Variants in GM2A observed in about 807,000 individuals in gnomAD.
GM2A encodes the protein GM2 ganglioside activator.
A neutral mutation model predicts 12.9 loss-of-function variants in GM2A; 7 were observed. That is an observed-to-expected ratio of 0.54 (90% confidence interval 0.31 to 1.02). GM2A has a LOEUF of 1.02. GM2A is among the 50% of genes least tolerant of loss of function. GM2A has a pLI of 0.05. For synonymous variants in GM2A, 101 were observed against 96.0 expected (o/e 1.05, Z -0.30); for missense variants, 246 against 241.0 (o/e 1.02, Z -0.14).
Position 151,268,723 on chromosome 5 carries a change from T to TC in GM2A, c.*1274dup, listed in dbSNP as rs397716595. On this transcript the variant is annotated 3_prime_UTR_variant, in exon 4 of 4. Transcript: ENST00000357164. ...TGTTTACTCCTAGAGAAGCCAAAAA[T>TC]CCAGATTTGTATATGAAATCTTACC... 0.15 allele frequency: 83,663 copies of TC among 571,762 alleles called. 7,056 individuals carry two copies. Among genetic ancestry groups the TC allele is most frequent in the East Asian group, 0.39 (2,666 of 6,826 alleles). 35.4% of individuals were successfully genotyped at this position (571,762 alleles called of 1,614,324 possible).
At position 151,253,298 on chromosome 5, in the gene GM2A, G is replaced by A. The variant is rs111913684; in HGVS notation, c.81+1G>A. ...CCCTGCGCAAGCCCACCTGAAAAAG[G>A]TGAGTGCACCCTCTTTTAAGAGTCT... On this transcript the variant is annotated splice_donor_variant, in intron 1 of 3. Transcript: ENST00000357164. LOFTEE classifies it high-confidence loss of function. 1 of 1,609,112 alleles carries A rather than the reference G, an allele frequency of 6.2e-7. No homozygotes were observed. The highest frequency in any genetic ancestry group is 8.5e-7 in the Non-Finnish European group (1 of 1,175,710).
At chr5:151,264,948 C>T (rs575132538) in intron 2 of GM2A, among the ~76,000 whole-genome samples, 18 of 151,572 alleles carry the variant, frequency 1.2e-4, no homozygotes, top group Non-Finnish European at 8.8e-5. Flanking sequence ...CACCACTATA[C>T]TCCAGCCTAG....
At chr5:151,266,446 A>T (rs948426541) in intron 2 of GM2A, among the ~76,000 whole-genome samples, 1 of 146,582 alleles carries the variant, frequency 6.8e-6, no homozygotes, top group African/African-American at 2.5e-5. Flanking sequence ...GAGCCATGAT[A>T]CAAAAAAAAA....
Position 151,266,795 on chromosome 5 carries a change from T to C in GM2A, c.308T>C (p.Ile103Thr), listed in dbSNP as rs1443880021. The C allele has an allele frequency of 1.9e-6, 3 of 1,613,680 alleles. No individual in the cohort carries two copies. Among genetic ancestry groups the C allele is most frequent in the African/African-American group, 2.7e-5 (2 of 75,040 alleles). ...ATCAAGATCCCATGCACAGACTACA[T>C]TGGCAGCTGTACCTTTGAACACTTC... The part of the protein sequence containing the change: ...LWIKIPCTDY[I>T]GSCTFEHFCD... The change falls in exon 3 of 4, where the codon ATT (isoleucine) becomes ACT (threonine). Residue 103 changes from isoleucine (I) to threonine (T), a missense_variant. Ile to Thr is a moderately conservative substitution (Grantham distance 89, BLOSUM62 -1). Coordinates refer to ENST00000357164, the MANE Select transcript of GM2A (RefSeq NM_000405.5).
chr5:151,269,667 T>G lies in GM2A; in HGVS notation c.*2216T>G, dbSNP rs1247170495. 3 of 175,602 alleles carry G rather than the reference T, an allele frequency of 1.7e-5. No individual in the cohort carries two copies. The highest frequency in any genetic ancestry group is 3.4e-5 in the Non-Finnish European group (3 of 89,406). 10.9% of individuals were successfully genotyped at this position (175,602 alleles called of 1,614,324 possible). On this transcript the variant is annotated 3_prime_UTR_variant, in exon 4 of 4. Coordinates refer to ENST00000357164, the MANE Select transcript of GM2A (RefSeq NM_000405.5). The stretch of plus-strand genomic sequence containing the variant: ...GCAGGCATCTGGTTCCAGATTTCTT[T>G]TCCCCGAAAAAAACCTTAGAAGTAA...
rs1411811000 is a variant in GM2A, at chr5:151,267,357, T to C, written c.488T>C (p.Leu163Pro). Residue 163 changes from leucine (L) to proline (P), a missense_variant, in exon 4 of 4, where the codon CTC (leucine) becomes CCC (proline). Physicochemically the swap from Leu to Pro is moderately conservative, Grantham distance 98. Coordinates refer to ENST00000357164, the MANE Select transcript of GM2A (RefSeq NM_000405.5). Reference sequence around the variant, plus strand: ...CCTGACCTGGAGCTGCCCAGTTGGCTCACCACCGGGAACTACCGCATAGAG... The same window carrying C: ...CCTGACCTGGAGCTGCCCAGTTGGCCCACCACCGGGAACTACCGCATAGAG... ...VVPDLELPSW[L>P]TTGNYRIESV... The C allele has an allele frequency of 6.2e-7, 1 of 1,614,090 alleles. No homozygotes were observed. The highest frequency in any genetic ancestry group is 2.2e-5 in the East Asian group (1 of 44,882).
rs1222793233 is a variant in GM2A at position 151,268,552 on chromosome 5, G to A, written c.*1101G>A. ...ATTGATACAAGGCTGCTGAGGCCTG[G>A]TCTCCAGTTGGAAATATAATTAAGG... On this transcript the variant is annotated 3_prime_UTR_variant, in exon 4 of 4. Coordinates refer to ENST00000357164, the MANE Select transcript of GM2A (RefSeq NM_000405.5). The A allele has an allele frequency of 7.1e-6, 7 of 985,100 alleles. No individual in the cohort carries two copies. In the South Asian group the frequency reaches 3.3e-4, roughly 46 times the overall value. 61.0% of individuals were successfully genotyped at this position (985,100 alleles called of 1,614,324 possible).
chr5:151,262,389 C>T (rs926846461), intron 2 of GM2A, among the ~76,000 whole-genome samples: 1 of 152,226 alleles, frequency 6.6e-6, no homozygotes, highest in Non-Finnish European at 1.5e-5. Context: ...ATCACAGCTC[C>T]TACGTTATGG....
rs1476806263 is a variant in GM2A, at chr5:151,268,827, TG to T, written c.*1378del. 1.0e-6 allele frequency: 1 copy of T among 980,388 alleles called. No individual in the cohort carries two copies. Among genetic ancestry groups the T allele is most frequent in the Admixed American group, 6.2e-5 (1 of 16,258 alleles). 60.7% of individuals were successfully genotyped at this position (980,388 alleles called of 1,614,324 possible). ...TGTCCCAAACGGACTGGCTCATGGG[TG>T]GCCACGTCACAACCTCTGATCTCAG... On this transcript the variant is annotated 3_prime_UTR_variant, in exon 4 of 4. Transcript: ENST00000357164.
At chr5:151,256,285 T>A (rs888874467) in intron 1 of GM2A, among the ~76,000 whole-genome samples, 4 of 151,974 alleles carry the variant, frequency 2.6e-5, no homozygotes, top group Non-Finnish European at 5.9e-5. Context: ...TAAAAAAAAA[T>A]TTGGAATAAT....
At position 151,268,744 on chromosome 5, in the gene GM2A, T is replaced by A. The variant is rs1185417666; in HGVS notation, c.*1293T>A. ...AAAATCCAGATTTGTATATGAAATC[T>A]TACCATTTTAAAAGATTGGCAGCTA... On this transcript the variant is annotated 3_prime_UTR_variant, in exon 4 of 4. Coordinates refer to ENST00000357164, the MANE Select transcript of GM2A (RefSeq NM_000405.5). The A allele has an allele frequency of 5.7e-5, 36 of 626,978 alleles. No individual in the cohort carries two copies. The highest frequency in any genetic ancestry group is 7.0e-5 in the Non-Finnish European group (35 of 502,610). The allele number at this position is 626,978 out of a possible 1,614,324, so 38.8% of individuals were successfully genotyped here.
At chr5:151,265,526 T>C (rs1753867867) in intron 2 of GM2A, among the ~76,000 whole-genome samples, 1 of 152,268 alleles carries the variant, frequency 6.6e-6, no homozygotes, top group Admixed American at 6.5e-5. Context: ...AATCAGATAT[T>C]TGAGAAAGCT....
chr5:151,257,779 C>G (rs1010225418), intron 1 of GM2A, among the ~76,000 whole-genome samples: 1 of 152,226 alleles, frequency 6.6e-6, no homozygotes, highest in Non-Finnish European at 1.5e-5. Context: ...GCCTCGGGGC[C>G]TTTGCCTGAG....
chr5:151,265,638 C>T (rs1207848947), intron 2 of GM2A, among the ~76,000 whole-genome samples: 1 of 152,200 alleles, frequency 6.6e-6, no homozygotes, highest in Non-Finnish European at 1.5e-5. Flanking sequence ...GCAACTAACA[C>T]ATGGTGACTG....
At chr5:151,257,917 T>C (rs1215435520) in intron 1 of GM2A, among the ~76,000 whole-genome samples, 1 of 152,220 alleles carries the variant, frequency 6.6e-6, no homozygotes, top group Non-Finnish European at 1.5e-5. Flanking sequence ...CTCTTTTCCT[T>C]TGTGGCACTC....
chr5:151,265,889 A>G (rs1753876719), intron 2 of GM2A, among the ~76,000 whole-genome samples: 1 of 152,196 alleles, frequency 6.6e-6, no homozygotes, highest in African/African-American at 2.4e-5. Context: ...CTATGATTTT[A>G]TACCAGTCTC....
intron 1 of GM2A, 46 bp downstream of exon 1, chr5:151,253,343 A>G (rs753408544): frequency 1.4e-6 from 2 of 1,412,944 alleles, no homozygotes; most frequent in Non-Finnish European, 2.0e-6. Flanking sequence ...CTCCTGGCCC[A>G]GCTACGGGTG....
chr5:151,260,638 A>T (rs1442127068), intron 2 of GM2A, among the ~76,000 whole-genome samples: 1 of 152,184 alleles, frequency 6.6e-6, no homozygotes, highest in Non-Finnish European at 1.5e-5. Context: ...AATAAATAAA[A>T]TAAATCACTT....
chr5:151,255,477 G>A, intron 1 of GM2A, among the ~76,000 whole-genome samples: 1 of 152,112 alleles, frequency 6.6e-6, no homozygotes, highest in East Asian at 1.9e-4. Flanking sequence ...GAAAGCGGGT[G>A]ATACTGAAAG....
Sources: gnomAD v4.1 joint callset for allele counts (sites outside exome capture counted in the v4.1 genomes callset) on GRCh38, gnomAD v4.1.1 for gene constraint, MANE v1.5 for transcripts, NCBI Gene and HGNC (gene_info 2026-07-23, HGNC 2026-07-21) for gene names.